The following SCHIP1 variants were observed in gnomAD, a reference collection of about 807,000 sequenced individuals.
The protein encoded by SCHIP1 is schwannomin-interacting protein 1.
In SCHIP1, 8 loss-of-function variants were observed where a neutral mutation model predicts 29.7. That is an observed-to-expected ratio of 0.27 (90% CI 0.16 to 0.49). SCHIP1 has a LOEUF of 0.49. Among genes scored for constraint, SCHIP1 ranks in the 20% least tolerant of loss-of-function variants. The pLI is 0.99. For missense variants in SCHIP1, 193 were observed against 294.6 expected (o/e 0.66, Z 2.52); for synonymous variants, 76 against 94.9 (o/e 0.80, Z 1.16).
chr3:159,647,182 A>G, the SCHIP1 span, among the ~76,000 whole-genome samples: 1 of 152,128 alleles, frequency 6.6e-6, no homozygotes, highest in South Asian at 2.1e-4. Context: ...GGAAAGGTAG[A>G]AAGGCAAAAG....
the SCHIP1 span, among the ~76,000 whole-genome samples, chr3:159,609,643 C>G: frequency 2.0e-5 from 3 of 152,112 alleles, no homozygotes; most frequent in Non-Finnish European, 4.4e-5. Context: ...TCCTCCAGCC[C>G]TGTCCCTTCC....
At chr3:159,802,199 C>G in the SCHIP1 span, among the ~76,000 whole-genome samples, 1 of 151,974 alleles carries the variant, frequency 6.6e-6, no homozygotes. Flanking sequence ...TATTTTTTGG[C>G]AGGTACTGTA....
At chr3:159,384,577 G>C in the SCHIP1 span, among the ~76,000 whole-genome samples, 2 of 150,858 alleles carry the variant, frequency 1.3e-5, no homozygotes, top group Admixed American at 6.6e-5. Context: ...TCTCTTTTTT[G>C]GTTGTGTCTC....
the SCHIP1 span, among the ~76,000 whole-genome samples, chr3:159,769,365 A>G: frequency 2.0e-5 from 3 of 152,150 alleles, no homozygotes; most frequent in Admixed American, 2.0e-4. Flanking sequence ...TTTGTCCCTG[A>G]GGCTTCCTGT....
At chr3:159,672,711 G>A in the SCHIP1 span, among the ~76,000 whole-genome samples, 1 of 152,184 alleles carries the variant, frequency 6.6e-6, no homozygotes, top group Non-Finnish European at 1.5e-5. Flanking sequence ...TACTGCCAAG[G>A]TTGAGAATTT....
chr3:159,738,343 A>G, the SCHIP1 span, among the ~76,000 whole-genome samples: 1 of 152,092 alleles, frequency 6.6e-6, no homozygotes, highest in Non-Finnish European at 1.5e-5. Flanking sequence ...CAAAAGAGTT[A>G]TGTTAATTAT....
the SCHIP1 span, among the ~76,000 whole-genome samples, chr3:159,710,249 A>C: frequency 1.3e-5 from 2 of 152,298 alleles, no homozygotes; most frequent in African/African-American, 4.8e-5. Flanking sequence ...TAATGAAATA[A>C]CATGCAGCCT....
chr3:159,715,971 A>C, the SCHIP1 span, among the ~76,000 whole-genome samples: 3 of 152,200 alleles, frequency 2.0e-5, no homozygotes, highest in Non-Finnish European at 4.4e-5. Flanking sequence ...AGTTGAAATG[A>C]AGGAAAAAAT....
At chr3:159,646,748 C>T in the SCHIP1 span, among the ~76,000 whole-genome samples, 1 of 152,066 alleles carries the variant, frequency 6.6e-6, no homozygotes. Context: ...GGGGGTGGCA[C>T]ATAGGCTCCC....
chr3:159,402,902 G>T, the SCHIP1 span, among the ~76,000 whole-genome samples: 1 of 151,864 alleles, frequency 6.6e-6, no homozygotes, highest in East Asian at 1.9e-4. Flanking sequence ...TGCATGTTGT[G>T]CACAGGTCCC....
the SCHIP1 span, among the ~76,000 whole-genome samples, chr3:159,443,068 G>T: frequency 5.9e-5 from 9 of 152,154 alleles, no homozygotes; most frequent in Non-Finnish European, 8.8e-5. Context: ...TGAGGGAGTT[G>T]GTTGGAACCC....
the SCHIP1 span, among the ~76,000 whole-genome samples, chr3:159,804,340 T>G: frequency 6.6e-6 from 1 of 152,212 alleles, no homozygotes. Context: ...GGGAGCCTCC[T>G]TGTCCTCCCA....
chr3:159,430,349 T>C, the SCHIP1 span, among the ~76,000 whole-genome samples: 1 of 152,278 alleles, frequency 6.6e-6, no homozygotes, highest in South Asian at 2.1e-4. Flanking sequence ...AATGGAGTAA[T>C]CTACTTTTAA....
At chr3:159,447,278 T>C in the SCHIP1 span, among the ~76,000 whole-genome samples, 1 of 152,196 alleles carries the variant, frequency 6.6e-6, no homozygotes, top group Admixed American at 6.5e-5. Context: ...ATCTTGGCTC[T>C]TGATAGCAGG....
the SCHIP1 span, among the ~76,000 whole-genome samples, chr3:159,652,502 A>G: frequency 6.6e-6 from 1 of 152,148 alleles, no homozygotes; most frequent in South Asian, 2.1e-4. Flanking sequence ...CCAGGTGGTA[A>G]GCTGGGGTGG....
the SCHIP1 span, among the ~76,000 whole-genome samples, chr3:159,296,598 A>G: frequency 6.6e-6 from 1 of 152,052 alleles, no homozygotes; most frequent in Non-Finnish European, 1.5e-5. Context: ...ACATGGCGAA[A>G]CCCCGTCTCT....
At chr3:159,708,446 G>T in the SCHIP1 span, among the ~76,000 whole-genome samples, 1 of 152,106 alleles carries the variant, frequency 6.6e-6, no homozygotes, top group African/African-American at 2.4e-5. Flanking sequence ...GAAGAGGGAT[G>T]GACAGAAGAA....
At chr3:159,693,702 CT>C in the SCHIP1 span, among the ~76,000 whole-genome samples, 2 of 152,140 alleles carry the variant, frequency 1.3e-5, no homozygotes, top group African/African-American at 4.8e-5. Context: ...CTTTGTACAC[CT>C]GCCTAGGAAG....
At chr3:159,859,230 G>A (rs577619914) in intron 1 of SCHIP1, among the ~76,000 whole-genome samples, 1 of 152,226 alleles carries the variant, frequency 6.6e-6, no homozygotes, top group Admixed American at 6.5e-5. Flanking sequence ...TTTATATTCT[G>A]GTCTAGTGAC....
Sources: allele counts gnomAD v4.1 joint callset (sites outside exome capture counted in the v4.1 genomes callset), GRCh38; gene constraint gnomAD v4.1.1; transcripts MANE v1.5; gene names NCBI Gene and HGNC (gene_info 2026-07-23, HGNC 2026-07-21).